Variants in CLN8 observed in about 807,000 individuals in gnomAD.
CLN8 encodes protein CLN8.
In CLN8, 14 loss-of-function variants were observed where a neutral mutation model predicts 15.7. The ratio of observed to expected loss-of-function variants is 0.89; its 90% CI spans 0.59 to 1.39. The LOEUF (loss-of-function observed/expected upper bound fraction) is 1.39. Ranked by LOEUF, CLN8 falls within the 40% of genes most tolerant of loss-of-function variation. The pLI is 0.00. For synonymous variants in CLN8, 188 were observed against 151.0 expected (o/e 1.25, Z -1.80); for missense variants, 415 against 364.0 (o/e 1.14, Z -1.14).
chr8:1,753,960 G>T (rs1223708199), upstream of CLN8, among the ~76,000 whole-genome samples: 1 of 152,118 alleles, frequency 6.6e-6, no homozygotes, highest in Non-Finnish European at 1.5e-5. Flanking sequence ...CAAGGAGGGG[G>T]ATTCAGGTTG....
At chr8:1,760,684 G>C (rs1467624078), upstream of CLN8, among the ~76,000 whole-genome samples, 3 of 152,132 alleles carry the variant, frequency 2.0e-5, no homozygotes, top group Admixed American at 6.5e-5. Flanking sequence ...GCTGTTAGTA[G>C]GAATCTAAGG....
At chr8:1,757,195 T>C (rs528498358) in intron 1 of CLN8, among the ~76,000 whole-genome samples, 1 of 152,330 alleles carries the variant, frequency 6.6e-6, no homozygotes, top group Non-Finnish European at 1.5e-5. Context: ...CCACCATTGA[T>C]GTTGGGGCTG....
In CLN8 at chr8:1,771,356, A is replaced by G. The variant is rs750004229; in HGVS notation, c.302A>G (p.Asn101Ser). ...GCCGACAAGGCGCGTGGCCAGCAGA[A>G]CTGGTGCTGGTTTCACATCACGACA... ...LHADKARGQQNWCWFHITTAT... is the reference protein window; with the variant it reads ...LHADKARGQQSWCWFHITTAT... The change falls in exon 2 of 3, where the codon AAC (asparagine) becomes AGC (serine). Residue 101 changes from asparagine (N) to serine (S), a missense_variant. Physicochemically the swap from Asn to Ser is conservative, Grantham distance 46 (BLOSUM62 1). Transcript: ENST00000331222. 3 of 1,614,212 alleles carry G rather than the reference A, an allele frequency of 1.9e-6. No individual in the cohort carries two copies. Among genetic ancestry groups the G allele is most frequent in the Non-Finnish European group, 2.5e-6 (3 of 1,180,036 alleles).
In CLN8 at chr8:1,780,715, A is replaced by G; in HGVS notation, c.*148A>G. 1 of 706,020 alleles carries G rather than the reference A, an allele frequency of 1.4e-6. No individual in the cohort carries two copies. Among genetic ancestry groups the G allele is most frequent in the Non-Finnish European group, 2.3e-6 (1 of 430,000 alleles). 43.7% of individuals were successfully genotyped at this position (706,020 alleles called of 1,614,324 possible). On this transcript the variant is annotated 3_prime_UTR_variant, in exon 3 of 3. Transcript: ENST00000331222. ...ACTAACTTTCTTTCGCATTAGTATT[A>G]ATTTTGAAGTAGCTACAAAGTATTT...
In CLN8 at chr8:1,780,703, C is replaced by G; in HGVS notation, c.*136C>G. On this transcript the variant is annotated 3_prime_UTR_variant, in exon 3 of 3. Coordinates refer to ENST00000331222, the MANE Select transcript of CLN8 (RefSeq NM_018941.4). The stretch of plus-strand genomic sequence containing the variant: ...TCTAAGGGAAATACTAACTTTCTTT[C>G]GCATTAGTATTAATTTTGAAGTAGC... 2 of 755,168 alleles carry G rather than the reference C, an allele frequency of 2.6e-6. No homozygotes were observed. The highest frequency in any genetic ancestry group is 4.3e-6 in the Non-Finnish European group (2 of 470,094). The allele number at this position is 755,168 out of a possible 1,614,324, so 46.8% of individuals were successfully genotyped here.
At chr8:1,767,793 G>A (rs569235168) in intron 1 of CLN8, among the ~76,000 whole-genome samples, 44 of 151,918 alleles carry the variant, frequency 2.9e-4, no homozygotes, top group African/African-American at 9.6e-4. Context: ...GGCTGGTCTC[G>A]AACTTCTGAC....
In CLN8 at chr8:1,772,230, C is replaced by G. The variant is rs141337691; in HGVS notation, c.543+633C>G. The stretch of plus-strand genomic sequence containing the variant: ...GAATTACAAATGTGAGCCACCGTGC[C>G]TGGCCTCTTTTAATACTTTAGAAAA... On this transcript the variant is annotated intron_variant, in intron 2 of 2. Coordinates refer to ENST00000331222, the MANE Select transcript of CLN8 (RefSeq NM_018941.4). Among the ~76,000 whole-genome samples, 1,104 of 151,820 alleles carry G rather than the reference C, an allele frequency of 7.3e-3. 10 individuals carry two copies. The highest frequency in any genetic ancestry group is 0.014 in the Admixed American group (215 of 15,278).
At chr8:1,767,665 G>A (rs1449346712) in intron 1 of CLN8, among the ~76,000 whole-genome samples, 4 of 124,722 alleles carry the variant, frequency 3.2e-5, no homozygotes, top group East Asian at 2.8e-4. Context: ...TCCACCTCCC[G>A]GGTTCAAGCG....
chr8:1,765,448 C>G (rs1306775427), intron 1 of CLN8, among the ~76,000 whole-genome samples: 1 of 152,146 alleles, frequency 6.6e-6, no homozygotes, highest in African/African-American at 2.4e-5. Context: ...TATTTTTATG[C>G]TTGTTTATAT....
At position 1,765,890 on chromosome 8, in the gene CLN8, C is replaced by G. The variant is rs536810884; in HGVS notation, c.-124+2005C>G. Among the ~76,000 whole-genome samples the G allele has an allele frequency of 4.6e-5, 7 of 152,348 alleles. No homozygotes were observed. The South Asian group carries it at 8.3e-4, about 18-fold the overall frequency. ...ATTGTTGGGGTTGTAAAACACTGAA[C>G]TTGCGTTAGCAGGGAAAAAAGCATG... On this transcript the variant is annotated intron_variant, in intron 1 of 2. Coordinates refer to ENST00000331222, the MANE Select transcript of CLN8 (RefSeq NM_018941.4).
rs949838687 is a variant in CLN8 at position 1,786,414 on chromosome 8, T to A, written c.*5847T>A. ...TAACTTTCTTCCTATTTTCTTCTAATGCGAGAGCTTATTAATTCCATATTT... is the reference window on the plus strand; with the variant it reads ...TAACTTTCTTCCTATTTTCTTCTAAAGCGAGAGCTTATTAATTCCATATTT... On this transcript the variant is annotated 3_prime_UTR_variant, in exon 3 of 3. Coordinates refer to ENST00000331222, the MANE Select transcript of CLN8 (RefSeq NM_018941.4). 1.3e-5 allele frequency: 2 copies of A among 152,252 alleles called. No homozygotes were observed. Among genetic ancestry groups the A allele is most frequent in the Admixed American group, 1.3e-4 (2 of 15,288 alleles). The allele number at this position is 152,252 out of a possible 1,614,324, so 9.4% of individuals were successfully genotyped here. A position where few individuals can be genotyped will look rare whatever the true frequency, so the allele number is the denominator to read the frequency against.
chr8:1,780,497 A>G lies in CLN8; in HGVS notation c.791A>G (p.Asn264Ser). ...TQQLLNPVDW[N>S]FAQPEAKSRP... ...CAGCTTCTCAATCCGGTGGACTGGA[A>G]CTTCGCACAGCCAGAAGCCAAGAGC... The change falls in exon 3 of 3, where the codon AAC becomes AGC. Residue 264 changes from asparagine to serine, a missense_variant. Coordinates refer to ENST00000331222, the MANE Select transcript of CLN8 (RefSeq NM_018941.4). 6.2e-7 allele frequency: 1 copy of G among 1,614,240 alleles called. No homozygotes were observed. The highest frequency in any genetic ancestry group is 8.5e-7 in the Non-Finnish European group (1 of 1,180,038).
chr8:1,773,210 A>G (rs1230442089), intron 2 of CLN8, among the ~76,000 whole-genome samples: 5 of 152,178 alleles, frequency 3.3e-5, no homozygotes, highest in Non-Finnish European at 7.3e-5. Context: ...CCATGGCCCC[A>G]GATGCGGACC....
At chr8:1,757,306 C>G (rs1257483467) in intron 1 of CLN8, among the ~76,000 whole-genome samples, 1 of 152,186 alleles carries the variant, frequency 6.6e-6, no homozygotes, top group African/African-American at 2.4e-5. Context: ...AAGGTCATGA[C>G]AACCCAAAAA....
intron 1 of CLN8, chr8:1,758,114 C>T (rs1201987344): frequency 2.0e-5 from 3 of 152,144 alleles, no homozygotes; most frequent in African/African-American, 7.2e-5. Flanking sequence ...GCCATCGGCA[C>T]TGTGTTTTGT....
chr8:1,771,690 G>T (rs528636495), intron 2 of CLN8, 93 bp downstream of exon 2: 42 of 1,172,750 alleles, frequency 3.6e-5, no homozygotes, highest in Non-Finnish European at 4.7e-5. Context: ...TCAACAGCAG[G>T]CTGGATTGCA....
At chr8:1,772,590 C>G (rs1029284621) in intron 2 of CLN8, among the ~76,000 whole-genome samples, 1 of 152,048 alleles carries the variant, frequency 6.6e-6, no homozygotes, top group African/African-American at 2.4e-5. Context: ...TCCCAAGTAG[C>G]TGGGATTACA....
upstream of CLN8, among the ~76,000 whole-genome samples, chr8:1,753,842 C>T (rs902949903): frequency 2.6e-5 from 4 of 151,278 alleles, no homozygotes; most frequent in African/African-American, 4.9e-5. Context: ...GCTGAGATCG[C>T]GCCATTGCAC....
intron 2 of CLN8, among the ~76,000 whole-genome samples, chr8:1,771,974 C>T (rs1261055106): frequency 6.6e-5 from 10 of 151,670 alleles, no homozygotes; most frequent in Non-Finnish European, 7.4e-5. Flanking sequence ...CTCACTCTGT[C>T]GCCCAGGCTG....
Sources: gnomAD v4.1 joint callset for allele counts (sites outside exome capture counted in the v4.1 genomes callset) on GRCh38, gnomAD v4.1.1 for gene constraint, MANE v1.5 for transcripts, NCBI Gene and HGNC (gene_info 2026-07-23, HGNC 2026-07-21) for gene names.